The following FAM118B variants were observed in gnomAD, a reference collection of about 807,000 sequenced individuals.
FAM118B encodes the protein protein FAM118B.
In FAM118B, 24 loss-of-function variants were observed where a neutral mutation model predicts 38.5. The observed-to-expected ratio is 0.62, with a 90% confidence interval of 0.45 to 0.88. The LOEUF is 0.88. Ranked by LOEUF, FAM118B falls within the 40% of genes least tolerant of loss-of-function variation. The pLI is 0.00. For synonymous variants in FAM118B, 138 were observed against 156.3 expected, an observed-to-expected ratio of 0.88 and a Z score of 0.87; for missense variants, 334 against 420.0, an observed-to-expected ratio of 0.80 and a Z score of 1.79.
intron 4 of FAM118B, among the ~76,000 whole-genome samples, chr11:126,246,692 T>C (rs1950423377): frequency 6.6e-6 from 1 of 152,138 alleles, no homozygotes; most frequent in Non-Finnish European, 1.5e-5. Context: ...TCTTCCTGTT[T>C]CAGCTTCCCA....
chr11:126,254,557 G>C lies in FAM118B; in HGVS notation c.696+124G>C, dbSNP rs1273426930. 4.6e-6 allele frequency: 6 copies of C among 1,298,326 alleles called. No homozygotes were observed. In the African/African-American group the frequency reaches 7.3e-5, roughly 16 times the overall value. 80.4% of individuals were successfully genotyped at this position (1,298,326 alleles called of 1,614,324 possible). ...GTGAAAACGGAAGGTCAGGGGCTAG[G>C]AGCAGTGGCTCATGCCTATAATCCC... On this transcript the variant is annotated intron_variant, in intron 6 of 8. Transcript: ENST00000533050.
Position 126,252,899 on chromosome 11 carries a change from G to A in FAM118B, c.568-1406G>A, listed in dbSNP as rs555176394. On this transcript the variant is annotated intron_variant, in intron 5 of 8. Coordinates refer to ENST00000533050, the MANE Select transcript of FAM118B (RefSeq NM_024556.4). The surrounding 1 kb of genome is among the most constrained non-coding windows in gnomAD (Gnocchi z 4.7). ...AGAATACAAAAACTAGCTGGGAGTG[G>A]TGGTGCACGCCTGTAATCCCAGTTA... Among the ~76,000 whole-genome samples the A allele has an allele frequency of 1.8e-4, 28 of 152,276 alleles. 1 individual carries two copies. In the South Asian group the frequency reaches 5.0e-3, roughly 27 times the overall value.
At position 126,262,245 on chromosome 11, in the gene FAM118B, G is replaced by C; in HGVS notation, c.*112G>C. The C allele has an allele frequency of 8.2e-7, 1 of 1,226,092 alleles. No homozygotes were observed. Among genetic ancestry groups the C allele is most frequent in the Non-Finnish European group, 1.2e-6 (1 of 836,774 alleles). The allele number at this position is 1,226,092 out of a possible 1,614,324, so 76.0% of individuals were successfully genotyped here. A position where few individuals can be genotyped will look rare whatever the true frequency, so the allele number is the denominator to read the frequency against. The stretch of plus-strand genomic sequence containing the variant: ...ACACAATTCCCAGAAAGTAACAATA[G>C]CCAGAGGTTGAAGGGCGGGGTAGAA... On this transcript the variant is annotated 3_prime_UTR_variant, in exon 9 of 9. Coordinates refer to ENST00000533050, the MANE Select transcript of FAM118B (RefSeq NM_024556.4).
Position 126,262,536 on chromosome 11 carries a change from A to T in FAM118B, c.*403A>T. On this transcript the variant is annotated 3_prime_UTR_variant, in exon 9 of 9. Transcript: ENST00000533050. ...TTTTGTACTCTATACTTGGTTTTTC[A>T]ATTAAGCTTAATGGCTTTTTTAAAA... 1 of 197,358 alleles carries T rather than the reference A, an allele frequency of 5.1e-6. No individual in the cohort carries two copies. Among genetic ancestry groups the T allele is most frequent in the Non-Finnish European group, 1.0e-5 (1 of 98,104 alleles). The allele number at this position is 197,358 out of a possible 1,614,324, so 12.2% of individuals were successfully genotyped here.
chr11:126,235,664 GCC>G (rs2135157948), intron 3 of FAM118B, among the ~76,000 whole-genome samples: 2 of 152,240 alleles, frequency 1.3e-5, no homozygotes, highest in African/African-American at 4.8e-5. Context: ...GATCACAGGT[GCC>G]TGCCACCATG....
Position 126,250,724 on chromosome 11 carries a change from T to C in FAM118B, c.558T>C (p.Asp186=). Residue 186 remains aspartate (D), a synonymous_variant, in exon 5 of 9, where the codon GAT becomes GAC. Transcript: ENST00000533050. This position sits in a 1 kb window ranked among gnomAD's most constrained non-coding sequence, Gnocchi z 5.1. ...GKQLESLDLT[D]EKKVLEWAQE... ...AGCTTGAATCCCTTGACCTTACTGATGAGAAAAAGGTAAAAAGTAAAGCAT... is the reference window on the plus strand; with the variant it reads ...AGCTTGAATCCCTTGACCTTACTGACGAGAAAAAGGTAAAAAGTAAAGCAT... 6 of 1,611,234 alleles carry C rather than the reference T, an allele frequency of 3.7e-6. No homozygotes were observed. The South Asian group carries it at 5.5e-5, about 15-fold the overall frequency.
intron 1 of FAM118B, chr11:126,214,527 T>TTTTTTTTTTTTTA (rs1949954178): frequency 8.1e-6 from 1 of 123,320 alleles, no homozygotes; most frequent in South Asian, 2.9e-4. Flanking sequence ...TTTTTTTTTT[T>TTTTTTTTTTTTTA]ACCTCTATAT....
chr11:126,261,529 G>A (rs760563377), intron 8 of FAM118B, 45 bp downstream of exon 8: 2 of 1,485,578 alleles, frequency 1.3e-6, no homozygotes, highest in South Asian at 2.3e-5. Flanking sequence ...GTAGCAGAAA[G>A]TCTTTCTAGG....
intron 7 of FAM118B, 157 bp from the exon 8 acceptor site, chr11:126,261,268 C>T: frequency 1.6e-6 from 1 of 615,884 alleles, no homozygotes; most frequent in Non-Finnish European, 2.9e-6. Flanking sequence ...TCCAGTTTAT[C>T]CTCTCTGCCT....
At chr11:126,241,732 T>C (rs370099470) in intron 4 of FAM118B, among the ~76,000 whole-genome samples, 4 of 152,048 alleles carry the variant, frequency 2.6e-5, no homozygotes, top group African/African-American at 9.7e-5. Flanking sequence ...GTATTTTTAG[T>C]AGAGACAGGG....
chr11:126,240,731 C>T, intron 3 of FAM118B, 61 bp from the exon 4 acceptor site: 1 of 1,484,446 alleles, frequency 6.7e-7, no homozygotes, highest in Non-Finnish European at 9.0e-7. Flanking sequence ...GTCAGACAGT[C>T]TTTCTGTGTG....
At chr11:126,212,873 G>C (rs1031789459) in intron 1 of FAM118B, among the ~76,000 whole-genome samples, 4 of 152,186 alleles carry the variant, frequency 2.6e-5, no homozygotes, top group Non-Finnish European at 4.4e-5. Context: ...TTTTCGAGTA[G>C]GGCAGAGAGA....
intron 1 of FAM118B, among the ~76,000 whole-genome samples, chr11:126,226,001 T>G (rs566286628): frequency 1.3e-5 from 2 of 152,242 alleles, no homozygotes; most frequent in African/African-American, 4.8e-5. Flanking sequence ...AGAAGATTAC[T>G]AAATAAAATG....
chr11:126,247,526 C>T (rs1950433080), intron 4 of FAM118B, among the ~76,000 whole-genome samples: 1 of 152,034 alleles, frequency 6.6e-6, no homozygotes, highest in Non-Finnish European at 1.5e-5. Context: ...ATACCCAGGC[C>T]TTTTTATCGG....
intron 2 of FAM118B, among the ~76,000 whole-genome samples, chr11:126,232,462 C>T (rs1351714905): frequency 6.6e-6 from 1 of 152,048 alleles, no homozygotes; most frequent in Admixed American, 6.6e-5. Context: ...TGTAAACTGG[C>T]TTAGTAGCTG....
chr11:126,237,696 A>G (rs1950296445), intron 3 of FAM118B, among the ~76,000 whole-genome samples: 1 of 145,986 alleles, frequency 6.8e-6, no homozygotes, highest in Admixed American at 6.8e-5. Flanking sequence ...AAAAAAAAAA[A>G]AAAAAAAAAA....
intron 4 of FAM118B, among the ~76,000 whole-genome samples, chr11:126,243,931 A>G (rs1018519388): frequency 3.3e-5 from 5 of 151,890 alleles, no homozygotes; most frequent in Non-Finnish European, 7.4e-5. Flanking sequence ...TCTGCATATC[A>G]ATATAATGCA....
intron 7 of FAM118B, among the ~76,000 whole-genome samples, chr11:126,259,255 C>A (rs631023): frequency 0.64 from 97,447 of 151,982 alleles, 32,790 homozygotes; most frequent in East Asian, 0.83. Flanking sequence ...AACACTGAAC[C>A]TTTGCTATGT....
Position 126,255,475 on chromosome 11 carries a change from G to T in FAM118B, c.696+1042G>T, listed in dbSNP as rs892960810. Among the ~76,000 whole-genome samples the T allele has an allele frequency of 6.6e-6, 1 of 151,818 alleles. No individual in the cohort carries two copies. The highest frequency in any genetic ancestry group is 2.4e-5 in the African/African-American group (1 of 41,320). ...CTTAGGCAGTCATTTCTGTGTTTTT[G>T]TGTGTGTATATGTATACACACACAC... On this transcript the variant is annotated intron_variant, in intron 6 of 8. Transcript: ENST00000533050. This position sits in a 1 kb window ranked among gnomAD's most constrained non-coding sequence, Gnocchi z 4.6.
Sources: allele counts gnomAD v4.1 joint callset (sites outside exome capture counted in the v4.1 genomes callset), GRCh38; gene constraint gnomAD v4.1.1; non-coding constraint Gnocchi (gnomAD v3.1); transcripts MANE v1.5; gene names NCBI Gene and HGNC (gene_info 2026-07-23, HGNC 2026-07-21).